The following LRFN2 variants were observed in gnomAD, a reference collection of about 807,000 sequenced individuals.
The protein encoded by LRFN2 is leucine rich repeat and fibronectin type III domain containing 2, also known as leucine-rich repeat and fibronectin type-III domain-containing protein 2.
A neutral mutation model predicts 37.3 loss-of-function variants in LRFN2; 18 were observed. That is an observed-to-expected ratio of 0.48 (90% CI 0.33 to 0.72). The LOEUF (loss-of-function observed/expected upper bound fraction) is 0.72, where lower values mean the gene tolerates loss of function less well. Among genes scored for constraint, LRFN2 ranks in the 30% least tolerant of loss-of-function variants. The probability of loss-of-function intolerance (pLI) is 0.02; values close to 1 mark genes in which losing one functional copy is unlikely to be tolerated. For missense variants in LRFN2, 1,006 were observed against 1,060.7 expected, an observed-to-expected ratio of 0.95 and a Z score of 0.72; for synonymous variants, 556 against 466.6, an observed-to-expected ratio of 1.19 and a Z score of -2.47.
At chr6:40,424,466 G>A (rs1763300351) in intron 2 of LRFN2, among the ~76,000 whole-genome samples, 1 of 152,058 alleles carries the variant, frequency 6.6e-6, no homozygotes. Context: ...TCTTTGCTTT[G>A]GATAACTTTG....
At chr6:40,493,124 G>A (rs1357328681) in intron 1 of LRFN2, among the ~76,000 whole-genome samples, 1 of 152,076 alleles carries the variant, frequency 6.6e-6, no homozygotes, top group Non-Finnish European at 1.5e-5. Context: ...GACATTCAAA[G>A]CAGAGAGAAA....
chr6:40,551,421 G>C (rs187309385), intron 1 of LRFN2, among the ~76,000 whole-genome samples: 3 of 152,256 alleles, frequency 2.0e-5, no homozygotes, highest in African/African-American at 7.2e-5. Context: ...GGAGCCCAAG[G>C]CCTGCTCAAG....
rs147133948 is a variant in LRFN2, at chr6:40,433,057, G to T, written c.57C>A (p.Asp19Glu). Reference sequence around the variant, plus strand: ...GGCAGACACAGTACTTGGGGCAGGCGTCGACCACGGCAAACGCCATGCCAA... The same window carrying T: ...GGCAGACACAGTACTTGGGGCAGGCTTCGACCACGGCAAACGCCATGCCAA... ...LAFGMAFAVV[D>E]ACPKYCVCQN... is the part of the protein sequence containing the mutation. Residue 19 changes from aspartate to glutamate, a missense_variant, in exon 2 of 3, where the codon GAC (aspartate) becomes GAA (glutamate). By Grantham distance (45) the Asp-to-Glu change is conservative. Around this residue, in one of 4 missense-constraint regions of LRFN2, gnomAD observed 185 missense variants for 254.9 expected, o/e 0.73. Coordinates refer to ENST00000338305, the MANE Select transcript of LRFN2 (RefSeq NM_020737.3). 1.9e-6 allele frequency: 3 copies of T among 1,555,678 alleles called. No individual in the cohort carries two copies. The East Asian group carries it at 6.8e-5, about 35-fold the overall frequency.
Position 40,432,297 on chromosome 6 carries a change from C to A in LRFN2, c.817G>T (p.Gly273Cys). 6.2e-7 allele frequency: 1 copy of A among 1,614,126 alleles called. No homozygotes were observed. The highest frequency in any genetic ancestry group is 2.2e-5 in the East Asian group (1 of 44,878). Residue 273 changes from glycine to cysteine, a missense_variant, in exon 2 of 3, where the codon GGT becomes TGT. By Grantham distance (159) the Gly-to-Cys change is radical (BLOSUM62 -3). Around this residue, in one of 4 missense-constraint regions of LRFN2, gnomAD observed 303 missense variants for 299.8 expected, o/e 1.01. Transcript: ENST00000338305. The part of the protein sequence containing the change: ...ETCGSPGGLK[G>C]RYFWHVREEE... ...TCACGCACATGCCAGAAGTAGCGACCCTTGAGGCCCCCTGGGGAGCCACAG... is the reference window on the plus strand; with the variant it reads ...TCACGCACATGCCAGAAGTAGCGACACTTGAGGCCCCCTGGGGAGCCACAG...
intron 1 of LRFN2, among the ~76,000 whole-genome samples, chr6:40,449,762 A>G (rs770940489): frequency 6.6e-6 from 1 of 152,156 alleles, no homozygotes; most frequent in African/African-American, 2.4e-5. Context: ...GAGTTTCTAT[A>G]TACTCCTCAC....
intron 1 of LRFN2, among the ~76,000 whole-genome samples, chr6:40,547,618 C>T (rs543041572): frequency 1.3e-5 from 2 of 152,272 alleles, no homozygotes; most frequent in East Asian, 3.9e-4. Flanking sequence ...GGGCATCATG[C>T]CCTCTGCCTC....
chr6:40,492,224 C>T (rs1765110017), intron 1 of LRFN2, among the ~76,000 whole-genome samples: 1 of 152,194 alleles, frequency 6.6e-6, no homozygotes, highest in African/African-American at 2.4e-5. Flanking sequence ...GGCAGGATTT[C>T]CTACATGAAA....
chr6:40,422,451 TG>T (rs1042851008), intron 2 of LRFN2, among the ~76,000 whole-genome samples: 6 of 151,978 alleles, frequency 3.9e-5, no homozygotes, highest in African/African-American at 1.5e-4. Context: ...CCTTTTTTGG[TG>T]GGGGGATGCC....
At chr6:40,533,330 G>C (rs992462737) in intron 1 of LRFN2, among the ~76,000 whole-genome samples, 2 of 149,548 alleles carry the variant, frequency 1.3e-5, no homozygotes, top group Non-Finnish European at 3.0e-5. Context: ...GCTCTAAAAA[G>C]TATATGAGTG....
intron 1 of LRFN2, among the ~76,000 whole-genome samples, chr6:40,551,372 C>T (rs1438211420): frequency 6.6e-6 from 1 of 152,140 alleles, no homozygotes; most frequent in Non-Finnish European, 1.5e-5. Flanking sequence ...GAGGACAAAG[C>T]CAGTACACAG....
At chr6:40,452,247 C>T (rs1764127719) in intron 1 of LRFN2, among the ~76,000 whole-genome samples, 1 of 152,180 alleles carries the variant, frequency 6.6e-6, no homozygotes, top group South Asian at 2.1e-4. Context: ...GTCACCCTGC[C>T]TCATGTCCAT....
chr6:40,583,139 G>A (rs940276617), intron 1 of LRFN2, among the ~76,000 whole-genome samples: 2 of 151,698 alleles, frequency 1.3e-5, no homozygotes, highest in Non-Finnish European at 2.9e-5. Context: ...GGCAAAAAAA[G>A]AGAACTTAAT....
intron 1 of LRFN2, among the ~76,000 whole-genome samples, chr6:40,436,590 C>T (rs1349821673): frequency 6.6e-6 from 1 of 152,132 alleles, no homozygotes. Flanking sequence ...CCATGAGCAC[C>T]TGCCCACCCT....
intron 2 of LRFN2, among the ~76,000 whole-genome samples, chr6:40,407,632 G>A (rs2113802144): frequency 6.6e-6 from 1 of 152,342 alleles, no homozygotes; most frequent in Non-Finnish European, 1.5e-5. Context: ...AATGCAGAAG[G>A]TGTCAGATCA....
chr6:40,435,268 C>T (rs890167500), intron 1 of LRFN2, among the ~76,000 whole-genome samples: 3 of 150,726 alleles, frequency 2.0e-5, no homozygotes, highest in Non-Finnish European at 3.0e-5. Flanking sequence ...TCAAGTGATT[C>T]TCCCACCTTG....
intron 1 of LRFN2, among the ~76,000 whole-genome samples, chr6:40,512,986 T>C (rs1420914004): frequency 6.6e-6 from 1 of 152,108 alleles, no homozygotes; most frequent in Non-Finnish European, 1.5e-5. Context: ...GGCTTTTCTG[T>C]TTATAAACGT....
intron 2 of LRFN2, among the ~76,000 whole-genome samples, chr6:40,406,538 T>C (rs1762852361): frequency 1.3e-5 from 2 of 152,162 alleles, no homozygotes; most frequent in African/African-American, 4.8e-5. Flanking sequence ...AGAAGGACCC[T>C]GAGAGCCCCC....
chr6:40,576,917 A>G (rs1467784497), intron 1 of LRFN2, among the ~76,000 whole-genome samples: 1 of 150,042 alleles, frequency 6.7e-6, no homozygotes, highest in Non-Finnish European at 1.5e-5. Context: ...CTCCATCATC[A>G]CCTCATGTCC....
intron 1 of LRFN2, among the ~76,000 whole-genome samples, chr6:40,562,314 G>A (rs1227922606): frequency 6.6e-5 from 10 of 152,036 alleles, no homozygotes; most frequent in Non-Finnish European, 7.4e-5. Context: ...GGAAGTACAC[G>A]CTGCCTAAGG....
Sources: allele counts gnomAD v4.1 joint callset (sites outside exome capture counted in the v4.1 genomes callset), GRCh38; gene constraint gnomAD v4.1.1; regional missense constraint gnomAD v4.1.1; transcripts MANE v1.5; gene names NCBI Gene and HGNC (gene_info 2026-07-23, HGNC 2026-07-21).